LANCL2: variants seen among roughly 807,000 people sequenced by gnomAD.
LANCL2 encodes LanC like glutathione S-transferase 2, also known as lanC-like protein 2.
LANCL2 carries 33 observed loss-of-function variants against 56.9 expected under a neutral mutation model. The ratio of observed to expected loss-of-function variants is 0.58; its 90% CI spans 0.44 to 0.78. The LOEUF is 0.78. Ranked by LOEUF, LANCL2 falls within the 30% of genes least tolerant of loss-of-function variation. The probability of loss-of-function intolerance (pLI) is 0.00; values close to 1 mark genes in which losing one functional copy is unlikely to be tolerated. For missense variants in LANCL2, 562 were observed against 580.2 expected, an observed-to-expected ratio of 0.97 and a Z score of 0.32; for synonymous variants, 233 against 228.2, an observed-to-expected ratio of 1.02 and a Z score of -0.19.
At chr7:55,387,305 T>C (rs1267209689) in intron 1 of LANCL2, among the ~76,000 whole-genome samples, 5 of 152,148 alleles carry the variant, frequency 3.3e-5, no homozygotes, top group Non-Finnish European at 7.4e-5. Flanking sequence ...GAGTACAGAT[T>C]TAAGTTATGT....
chr7:55,375,807 A>G (rs1789994111), intron 1 of LANCL2, among the ~76,000 whole-genome samples: 1 of 152,124 alleles, frequency 6.6e-6, no homozygotes, highest in Admixed American at 6.5e-5. Flanking sequence ...TGTTGGCCAA[A>G]TCCAGTTCAC....
rs554071401 is a variant in LANCL2 at position 55,378,331 on chromosome 7, A to G, written c.204+12102A>G. Among the ~76,000 whole-genome samples the G allele has an allele frequency of 2.6e-5, 4 of 152,182 alleles. No homozygotes were observed. The South Asian group carries it at 6.2e-4, about 24-fold the overall frequency. On this transcript the variant is annotated intron_variant, in intron 1 of 8. Coordinates refer to ENST00000254770, the MANE Select transcript of LANCL2 (RefSeq NM_018697.4). ...AAAAATTAGCCGGACATGGTGGCGCATGCCTATAATCCTAGCTACCCGGGA... is the reference window on the plus strand; with the variant it reads ...AAAAATTAGCCGGACATGGTGGCGCGTGCCTATAATCCTAGCTACCCGGGA...
chr7:55,403,623 G>A (rs1483944407), intron 5 of LANCL2, among the ~76,000 whole-genome samples: 4 of 140,614 alleles, frequency 2.8e-5, no homozygotes, highest in Non-Finnish European at 6.1e-5. Context: ...CCAGGCTGGA[G>A]TGCAGTGGTG....
intron 1 of LANCL2, among the ~76,000 whole-genome samples, chr7:55,366,598 TG>T (rs1265062911): frequency 6.6e-6 from 1 of 152,048 alleles, no homozygotes; most frequent in Non-Finnish European, 1.5e-5. Flanking sequence ...TCCTCAGAAG[TG>T]GCCTGGAGGC....
At chr7:55,401,428 A>C in intron 5 of LANCL2, 108 bp downstream of exon 5, 1 of 858,792 alleles carries the variant, frequency 1.2e-6, no homozygotes, top group Non-Finnish European at 1.8e-6. Flanking sequence ...CCTACTTTGA[A>C]TCGCTGATGC....
rs142854394 is a variant in LANCL2, at chr7:55,365,948, G to C, written c.-78G>C. On this transcript the variant is annotated 5_prime_UTR_variant, in exon 1 of 9. Transcript: ENST00000254770. ...GAGGACGCTCTCTGCGCGGGCCCTCGGAGGAGGCGGCGGCGGGGCGAGCTG... is the reference window on the plus strand; with the variant it reads ...GAGGACGCTCTCTGCGCGGGCCCTCCGAGGAGGCGGCGGCGGGGCGAGCTG... 2 of 1,198,574 alleles carry C rather than the reference G, an allele frequency of 1.7e-6. No individual in the cohort carries two copies. The highest frequency in any genetic ancestry group is 3.1e-5 in the East Asian group (1 of 31,978). 74.2% of individuals were successfully genotyped at this position (1,198,574 alleles called of 1,614,324 possible).
At chr7:55,390,564 CCATTG>C (rs1299106115) in intron 1 of LANCL2, among the ~76,000 whole-genome samples, 12 of 152,152 alleles carry the variant, frequency 7.9e-5, no homozygotes, top group Admixed American at 7.9e-4. Context: ...CAAGATCGCA[CCATTG>C]CACTCCAGCC....
At chr7:55,383,656 C>T (rs1406413267) in intron 1 of LANCL2, among the ~76,000 whole-genome samples, 4 of 152,150 alleles carry the variant, frequency 2.6e-5, no homozygotes, top group Non-Finnish European at 5.9e-5. Flanking sequence ...GCCAAAGACC[C>T]CTTATCCTAT....
At chr7:55,413,150 A>C (rs1286341973) in intron 6 of LANCL2, among the ~76,000 whole-genome samples, 1 of 152,222 alleles carries the variant, frequency 6.6e-6, no homozygotes, top group Non-Finnish European at 1.5e-5. Context: ...TTTGAAAATA[A>C]GATGCATCTT....
chr7:55,427,360 A>G (rs904564509), intron 7 of LANCL2, among the ~76,000 whole-genome samples: 1 of 152,232 alleles, frequency 6.6e-6, no homozygotes, highest in African/African-American at 2.4e-5. Context: ...TTTGGAATCC[A>G]TATTCAGACT....
At chr7:55,385,517 C>T (rs572328806) in intron 1 of LANCL2, among the ~76,000 whole-genome samples, 6 of 152,098 alleles carry the variant, frequency 3.9e-5, no homozygotes, top group Non-Finnish European at 5.9e-5. Context: ...TGGTAGGATC[C>T]GTGATGCCCC....
At chr7:55,374,580 C>T (rs1789980311) in intron 1 of LANCL2, among the ~76,000 whole-genome samples, 1 of 152,124 alleles carries the variant, frequency 6.6e-6, no homozygotes, top group African/African-American at 2.4e-5. Context: ...TAGTAATTAG[C>T]TTTGAGGTAA....
At chr7:55,368,953 T>C (rs983494418) in intron 1 of LANCL2, among the ~76,000 whole-genome samples, 1 of 152,184 alleles carries the variant, frequency 6.6e-6, no homozygotes, top group Non-Finnish European at 1.5e-5. Flanking sequence ...AAGACTAGCC[T>C]GGGCAACATA....
rs1790654336 is a variant in LANCL2, at chr7:55,425,443, C to T, written c.1185+13C>T. ...CCGAGCTTGCAAGGTGAGGGTGGCT[C>T]TGTTGGAACTGCTTCTGAACAACCC... is the stretch of plus-strand genomic sequence containing the variant. On this transcript the variant is annotated intron_variant, in intron 7 of 8. Coordinates refer to ENST00000254770, the MANE Select transcript of LANCL2 (RefSeq NM_018697.4). The T allele has an allele frequency of 6.2e-7, 1 of 1,612,746 alleles. No homozygotes were observed. The highest frequency in any genetic ancestry group is 8.5e-7 in the Non-Finnish European group (1 of 1,179,070).
chr7:55,424,501 G>A (rs919008602), intron 6 of LANCL2, among the ~76,000 whole-genome samples: 7 of 152,328 alleles, frequency 4.6e-5, no homozygotes, highest in East Asian at 3.9e-4. Flanking sequence ...TCACTCTCTC[G>A]ATTGCCTTCT....
chr7:55,407,098 G>C (rs1790416513), intron 5 of LANCL2, among the ~76,000 whole-genome samples: 1 of 152,216 alleles, frequency 6.6e-6, no homozygotes, highest in Non-Finnish European at 1.5e-5. Context: ...GGACCTCTGT[G>C]AGCACCTGCA....
At chr7:55,429,603 A>G (rs1480563875) in intron 8 of LANCL2, among the ~76,000 whole-genome samples, 1 of 151,998 alleles carries the variant, frequency 6.6e-6, no homozygotes, top group Non-Finnish European at 1.5e-5. Flanking sequence ...TTTGCAGAAG[A>G]TGATCTTTTT....
At position 55,428,120 on chromosome 7, in the gene LANCL2, G is replaced by A. The variant is rs2128996839; in HGVS notation, c.1186-255G>A. The A allele has an allele frequency of 1.1e-5, 6 of 548,264 alleles. No homozygotes were observed. The East Asian group carries it at 1.8e-4, about 16-fold the overall frequency. The allele number at this position is 548,264 out of a possible 1,614,324, so 34.0% of individuals were successfully genotyped here. On this transcript the variant is annotated intron_variant, in intron 7 of 8. Coordinates refer to ENST00000254770, the MANE Select transcript of LANCL2 (RefSeq NM_018697.4). ...GTGCCAGGGAGAACAGAGTGTCGTT[G>A]AGCCGTTCGGTTTTCACCTCGGACT... is the stretch of plus-strand genomic sequence containing the variant.
chr7:55,401,072 C>T (rs1790316475), intron 4 of LANCL2, 102 bp from the exon 5 acceptor site: 2 of 811,132 alleles, frequency 2.5e-6, no homozygotes, highest in South Asian at 3.3e-5. Context: ...AGGCTTCTGC[C>T]TCTCTCTCTA....
Sources: allele counts gnomAD v4.1 joint callset (sites outside exome capture counted in the v4.1 genomes callset), GRCh38; gene constraint gnomAD v4.1.1; transcripts MANE v1.5; gene names NCBI Gene and HGNC (gene_info 2026-07-23, HGNC 2026-07-21).